ZBTB20: variants seen among roughly 807,000 people sequenced by gnomAD.
The protein encoded by ZBTB20 is zinc finger and BTB domain containing 20, also known as zinc finger and BTB domain-containing protein 20.
ZBTB20 carries 9 observed loss-of-function variants against 56.9 expected under a neutral mutation model. That is an observed-to-expected ratio of 0.16 (90% CI 0.10 to 0.28). ZBTB20 has a LOEUF of 0.28. Ranked by LOEUF, ZBTB20 falls within the 10% of genes least tolerant of loss-of-function variation. The pLI is 1.00. For synonymous variants in ZBTB20, 417 were observed against 420.7 expected, an observed-to-expected ratio of 0.99 and a Z score of 0.11; for missense variants, 655 against 1,003.0, an observed-to-expected ratio of 0.65 and a Z score of 4.69.
chr3:114,351,974 C>T (rs372179788), intron 10 of ZBTB20, 96 bp from the exon 11 acceptor site: 16 of 1,458,776 alleles, frequency 1.1e-5, no homozygotes, highest in Non-Finnish European at 1.1e-5. Flanking sequence ...ATGCTCATGG[C>T]TCCTAGAAGC....
intron 7 of ZBTB20, among the ~76,000 whole-genome samples, chr3:114,409,168 G>A (rs553835458): frequency 5.1e-4 from 59 of 114,884 alleles, no homozygotes; most frequent in Middle Eastern, 6.5e-3. Context: ...GAGAAAAAGA[G>A]CACAAGCTTT....
chr3:114,757,839 T>A (rs988888120), intron 5 of ZBTB20, among the ~76,000 whole-genome samples: 1 of 152,136 alleles, frequency 6.6e-6, no homozygotes, highest in Non-Finnish European at 1.5e-5. Flanking sequence ...AAATTCTGAT[T>A]TTCTAAAACA....
chr3:114,663,757 G>A (rs1200042478), intron 6 of ZBTB20, among the ~76,000 whole-genome samples: 1 of 151,468 alleles, frequency 6.6e-6, no homozygotes, highest in Non-Finnish European at 1.5e-5. Context: ...TGATAAAACA[G>A]ACTTTAAACC....
chr3:115,118,390 A>C (rs1251583430), intron 1 of ZBTB20, among the ~76,000 whole-genome samples: 2 of 152,128 alleles, frequency 1.3e-5, no homozygotes, highest in Non-Finnish European at 2.9e-5. Context: ...CTAACTACTA[A>C]TGATTCACAT....
chr3:114,634,579 C>A (rs2059151004), intron 6 of ZBTB20, among the ~76,000 whole-genome samples: 1 of 152,124 alleles, frequency 6.6e-6, no homozygotes, highest in Non-Finnish European at 1.5e-5. Context: ...ACTGATAAAA[C>A]AATGTTGGAA....
chr3:114,988,714 C>T (rs533907253), intron 2 of ZBTB20, among the ~76,000 whole-genome samples: 12 of 152,244 alleles, frequency 7.9e-5, no homozygotes, highest in African/African-American at 2.9e-4. Context: ...TACAGTCCCA[C>T]CAACAGTGTA....
At chr3:115,120,464 C>A (rs2084152896) in intron 1 of ZBTB20, among the ~76,000 whole-genome samples, 1 of 151,850 alleles carries the variant, frequency 6.6e-6, no homozygotes, top group Admixed American at 6.6e-5. Flanking sequence ...AAAAAATTAA[C>A]AGAAAAAAAT....
At chr3:114,808,400 T>C (rs1162304975) in intron 4 of ZBTB20, among the ~76,000 whole-genome samples, 1 of 151,922 alleles carries the variant, frequency 6.6e-6, no homozygotes, top group Admixed American at 6.6e-5. Flanking sequence ...AGAGAGAAGG[T>C]ATCACCACCA....
intron 5 of ZBTB20, among the ~76,000 whole-genome samples, chr3:114,798,445 C>A (rs997942376): frequency 2.6e-5 from 4 of 151,852 alleles, no homozygotes; most frequent in Non-Finnish European, 5.9e-5. Context: ...AAGGGGACTA[C>A]AATTCAACAA....
intron 5 of ZBTB20, among the ~76,000 whole-genome samples, chr3:114,782,508 T>C (rs1174974758): frequency 6.6e-6 from 1 of 152,202 alleles, no homozygotes; most frequent in Non-Finnish European, 1.5e-5. Context: ...TTGAAGTTTA[T>C]ACATGTGTAA....
chr3:114,821,063 C>T (rs575764965), intron 4 of ZBTB20, among the ~76,000 whole-genome samples: 1 of 152,192 alleles, frequency 6.6e-6, no homozygotes, highest in South Asian at 2.1e-4. Context: ...CCATGGAATA[C>T]CAACCTTGCC....
At chr3:114,895,825 T>G (rs1032224634) in intron 4 of ZBTB20, among the ~76,000 whole-genome samples, 4 of 152,258 alleles carry the variant, frequency 2.6e-5, no homozygotes, top group South Asian at 2.1e-4. Flanking sequence ...AAGGTAGGTG[T>G]TGTTACCACC....
chr3:114,461,461 C>A (rs2092328000), intron 7 of ZBTB20, among the ~76,000 whole-genome samples: 1 of 152,064 alleles, frequency 6.6e-6, no homozygotes, highest in Admixed American at 6.6e-5. Context: ...TGTGTGCCAC[C>A]ATGCCAGGCT....
intron 6 of ZBTB20, among the ~76,000 whole-genome samples, chr3:114,653,261 AT>A (rs61644357): frequency 0.025 from 3,792 of 151,970 alleles, 148 homozygotes; most frequent in African/African-American, 0.086. Flanking sequence ...GACGGTATTA[AT>A]TATATGTTTT....
chr3:114,735,267 T>C (rs1047363653), intron 5 of ZBTB20, among the ~76,000 whole-genome samples: 22 of 152,156 alleles, frequency 1.4e-4, no homozygotes, highest in African/African-American at 5.3e-4. Flanking sequence ...ATGTTAAGTT[T>C]CTAATAAGAT....
At chr3:114,981,499 T>C (rs946346211) in intron 2 of ZBTB20, among the ~76,000 whole-genome samples, 3 of 152,092 alleles carry the variant, frequency 2.0e-5, no homozygotes, top group Non-Finnish European at 4.4e-5. Context: ...TATATTTTTG[T>C]AACAATAGAA....
chr3:114,581,330 A>G (rs1210523719), intron 6 of ZBTB20, among the ~76,000 whole-genome samples: 3 of 152,064 alleles, frequency 2.0e-5, no homozygotes, highest in African/African-American at 7.2e-5. Context: ...AGAAGAAAAT[A>G]CAGAAAGGTA....
chr3:115,087,247 G>A (rs1376261126), intron 1 of ZBTB20, among the ~76,000 whole-genome samples: 1 of 151,750 alleles, frequency 6.6e-6, no homozygotes, highest in Non-Finnish European at 1.5e-5. Context: ...AAATAAAAAT[G>A]GCCTGTCTTT....
At chr3:114,557,941 G>A (rs986673105) in intron 6 of ZBTB20, among the ~76,000 whole-genome samples, 2 of 151,972 alleles carry the variant, frequency 1.3e-5, no homozygotes, top group African/African-American at 4.8e-5. Context: ...AGGAATAATA[G>A]CACTAAACTT....
Sources: allele counts gnomAD v4.1 joint callset (sites outside exome capture counted in the v4.1 genomes callset), GRCh38; gene constraint gnomAD v4.1.1; transcripts MANE v1.5; gene names NCBI Gene and HGNC (gene_info 2026-07-23, HGNC 2026-07-21).